HTR7: variants seen among roughly 807,000 people sequenced by gnomAD.
HTR7 encodes the protein 5-hydroxytryptamine receptor 7, also known as 5-HT-7.
In HTR7, 16 loss-of-function variants were observed where a neutral mutation model predicts 34.0. The observed-to-expected ratio is 0.47, with a 90% CI of 0.32 to 0.71. The LOEUF (loss-of-function observed/expected upper bound fraction) is 0.71. HTR7 is among the 30% of genes least tolerant of loss of function. The probability of loss-of-function intolerance (pLI) is 0.04; values close to 1 mark genes in which losing one functional copy is unlikely to be tolerated. For synonymous variants in HTR7, 265 were observed against 260.2 expected, an observed-to-expected ratio of 1.02 and a Z score of -0.18; for missense variants, 504 against 625.5, an observed-to-expected ratio of 0.81 and a Z score of 2.07.
chr10:90,820,135 T>C (rs1170176940), intron 1 of HTR7, among the ~76,000 whole-genome samples: 1 of 152,176 alleles, frequency 6.6e-6, no homozygotes, highest in African/African-American at 2.4e-5. Context: ...GTCAGTCTTT[T>C]GTTTGGTATG....
At chr10:90,754,442 T>G (rs115132398) in intron 1 of HTR7, among the ~76,000 whole-genome samples, 1,889 of 152,230 alleles carry the variant, frequency 0.012, 31 homozygotes, top group African/African-American at 0.039. Flanking sequence ...TCCTTAAGTA[T>G]GCATGTTTAA....
chr10:90,853,811 G>A (rs1846537368), intron 1 of HTR7, among the ~76,000 whole-genome samples: 1 of 152,170 alleles, frequency 6.6e-6, no homozygotes, highest in Admixed American at 6.5e-5. Flanking sequence ...GACCATTCTT[G>A]CTTCTTCTTA....
chr10:90,852,295 T>C (rs1378816795), intron 1 of HTR7, among the ~76,000 whole-genome samples: 1 of 151,684 alleles, frequency 6.6e-6, no homozygotes, highest in East Asian at 1.9e-4. Context: ...AATGTAGTAA[T>C]GCAGAACAAA....
intron 1 of HTR7, among the ~76,000 whole-genome samples, chr10:90,796,920 G>A (rs968576653): frequency 6.6e-6 from 1 of 151,712 alleles, no homozygotes; most frequent in Non-Finnish European, 1.5e-5. Context: ...GCTGAGGCAG[G>A]AGAATGGCGT....
chr10:90,809,510 G>A (rs1845766128), intron 1 of HTR7, among the ~76,000 whole-genome samples: 1 of 152,044 alleles, frequency 6.6e-6, no homozygotes, highest in African/African-American at 2.4e-5. Flanking sequence ...TTAAATTCTG[G>A]CCCTCAAACC....
At chr10:90,792,362 T>G (rs1299011161) in intron 1 of HTR7, among the ~76,000 whole-genome samples, 1 of 152,080 alleles carries the variant, frequency 6.6e-6, no homozygotes, top group Non-Finnish European at 1.5e-5. Flanking sequence ...TTGTTGGGGT[T>G]TTTTTGTTTT....
Position 90,749,629 on chromosome 10 carries a change from C to T in HTR7, c.540-35G>A, listed in dbSNP as rs780854197. 9.6e-6 allele frequency: 15 copies of T among 1,569,288 alleles called. 1 individual carries two copies. Among genetic ancestry groups the T allele is most frequent in the Admixed American group, 1.7e-5 (1 of 57,386 alleles). On this transcript the variant is annotated intron_variant, in intron 1 of 3. Transcript: ENST00000336152. The surrounding 1 kb of genome is among the most constrained non-coding windows in gnomAD (Gnocchi z 4.2). ...AGATGGAAAGATAACAGATGAACAC[C>T]GTGATCATAACTGGTCAACCAAGCA...
rs186157389 is a variant in HTR7, at chr10:90,744,153, C to T, written c.1296-463G>A. On this transcript the variant is annotated intron_variant, in intron 2 of 3. Coordinates refer to ENST00000336152, the MANE Select transcript of HTR7 (RefSeq NM_019859.4). ...AGAAAGCCCTGAGTCTGGAGGAGTC[C>T]AGAATCTGCACGGTGGCCACAAGAT... Among the ~76,000 whole-genome samples, 9 of 151,438 alleles carry T rather than the reference C, an allele frequency of 5.9e-5. No individual in the cohort carries two copies. The East Asian group carries it at 1.7e-3, about 29-fold the overall frequency.
chr10:90,850,534 C>A (rs1310637789), intron 1 of HTR7, among the ~76,000 whole-genome samples: 1 of 151,916 alleles, frequency 6.6e-6, no homozygotes, highest in African/African-American at 2.4e-5. Context: ...ACCAAAAACC[C>A]AGAGAAAAAA....
chr10:90,857,508 C>T lies in HTR7; in HGVS notation c.164G>A (p.Ser55Asn), dbSNP rs769042507. 7 of 1,612,014 alleles carry T rather than the reference C, an allele frequency of 4.3e-6. No individual in the cohort carries two copies. In the African/African-American group the frequency reaches 6.7e-5, roughly 15 times the overall value. Residue 55 changes from serine to asparagine, a missense_variant, in exon 1 of 4, where the codon AGC (serine) becomes AAC (asparagine). Coordinates refer to ENST00000336152, the MANE Select transcript of HTR7 (RefSeq NM_019859.4). The surrounding 1 kb of genome is among the most constrained non-coding windows in gnomAD (Gnocchi z 6.5). ...GGGCGCGTCCCAGGTGGGCGCCGGG[C>T]TGGCTGTCACCTCGCTCAGCAGGTG... ...APHLLSEVTA[S>N]PAPTWDAPPD...
At chr10:90,803,119 T>C (rs1156660219) in intron 1 of HTR7, among the ~76,000 whole-genome samples, 2 of 150,900 alleles carry the variant, frequency 1.3e-5, no homozygotes, top group East Asian at 3.9e-4. Context: ...CTGAGGGGTA[T>C]AAAGGAGAAG....
chr10:90,852,504 A>G (rs949800568), intron 1 of HTR7, among the ~76,000 whole-genome samples: 2 of 152,244 alleles, frequency 1.3e-5, no homozygotes, highest in African/African-American at 4.8e-5. Context: ...TATTTCCCCA[A>G]AATAAATTTA....
chr10:90,788,456 C>A (rs765327553), intron 1 of HTR7, among the ~76,000 whole-genome samples: 25 of 152,138 alleles, frequency 1.6e-4, no homozygotes, highest in Non-Finnish European at 5.9e-5. Flanking sequence ...AATAACTGCA[C>A]TAAACTTGTT....
chr10:90,848,589 G>A (rs1175494468), intron 1 of HTR7, among the ~76,000 whole-genome samples: 3 of 152,244 alleles, frequency 2.0e-5, no homozygotes, highest in East Asian at 3.9e-4. Flanking sequence ...AAAATAATTG[G>A]ATGAAGGAAG....
intron 1 of HTR7, among the ~76,000 whole-genome samples, chr10:90,793,548 A>C (rs1259078682): frequency 6.6e-6 from 1 of 150,674 alleles, no homozygotes; most frequent in African/African-American, 2.4e-5. Flanking sequence ...AAAAAAAAAA[A>C]AAAGATCACC....
intron 1 of HTR7, among the ~76,000 whole-genome samples, chr10:90,769,551 C>T (rs1845075232): frequency 6.6e-6 from 1 of 152,132 alleles, no homozygotes; most frequent in Admixed American, 6.5e-5. Context: ...TATATTTCCA[C>T]TAAAATAGAG....
At chr10:90,768,053 G>T (rs1589442356) in intron 1 of HTR7, among the ~76,000 whole-genome samples, 1 of 152,066 alleles carries the variant, frequency 6.6e-6, no homozygotes, top group East Asian at 1.9e-4. Context: ...ATCTCGACAT[G>T]TCCAAATATA....
At chr10:90,759,187 CAAAAAAA>C (rs35551588) in intron 1 of HTR7, among the ~76,000 whole-genome samples, 5 of 119,588 alleles carry the variant, frequency 4.2e-5, no homozygotes, top group Non-Finnish European at 9.0e-5. Context: ...AACTCTGTCT[CAAAAAAA>C]AAAAAAAAAA....
chr10:90,759,617 T>TGCAGTCC, intron 1 of HTR7, among the ~76,000 whole-genome samples: 2 of 130,586 alleles, frequency 1.5e-5, no homozygotes, highest in Non-Finnish European at 3.1e-5. Context: ...ATTGCGCCAC[T>TGCAGTCC]GCAGTCCGCA....
Sources: allele counts gnomAD v4.1 joint callset (sites outside exome capture counted in the v4.1 genomes callset), GRCh38; gene constraint gnomAD v4.1.1; non-coding constraint Gnocchi (gnomAD v3.1); transcripts MANE v1.5; gene names NCBI Gene and HGNC (gene_info 2026-07-23, HGNC 2026-07-21).